Variants in ARIH1 observed in about 807,000 individuals in gnomAD.
The protein encoded by ARIH1 is E3 ubiquitin-protein ligase ARIH1.
Under a neutral mutation model 85.0 loss-of-function variants are expected in ARIH1, and 8 were observed. That is an observed-to-expected ratio of 0.09 (90% CI 0.06 to 0.17). The LOEUF (loss-of-function observed/expected upper bound fraction) is 0.17, where lower values mean the gene tolerates loss of function less well. Among genes scored for constraint, ARIH1 ranks in the 10% least tolerant of loss-of-function variants. The pLI is 1.00. For synonymous variants in ARIH1, 238 were observed against 253.6 expected (o/e 0.94, Z 0.59); for missense variants, 311 against 718.1 (o/e 0.43, Z 6.48).
chr15:72,546,717 G>C (rs544200093), intron 3 of ARIH1, among the ~76,000 whole-genome samples: 1 of 151,528 alleles, frequency 6.6e-6, no homozygotes, highest in Non-Finnish European at 1.5e-5. Context: ...TTGTAGAGAC[G>C]GGGTTTCACC....
At position 72,582,031 on chromosome 15, in the gene ARIH1, T is replaced by A; in HGVS notation, c.1477-44T>A. The A allele has an allele frequency of 8.2e-6, 11 of 1,346,750 alleles. No individual in the cohort carries two copies. The highest frequency in any genetic ancestry group is 1.2e-5 in the Non-Finnish European group (11 of 945,622). The allele number at this position is 1,346,750 out of a possible 1,614,324, so 83.4% of individuals were successfully genotyped here. A position where few individuals can be genotyped will look rare whatever the true frequency, so the allele number is the denominator to read the frequency against. Reference sequence around the variant, plus strand: ...AAAACAGTGAAAATGGTTTATCTTTTAGCTTTATTTTGAAGCCAAAATTTA... The same window carrying A: ...AAAACAGTGAAAATGGTTTATCTTTAAGCTTTATTTTGAAGCCAAAATTTA... On this transcript the variant is annotated intron_variant, in intron 12 of 13. Transcript: ENST00000379887. The surrounding 1 kb of genome is among the most constrained non-coding windows in gnomAD (Gnocchi z 4.6).
At chr15:72,556,607 C>T (rs1308259038) in intron 5 of ARIH1, among the ~76,000 whole-genome samples, 1 of 152,100 alleles carries the variant, frequency 6.6e-6, no homozygotes, top group Non-Finnish European at 1.5e-5. Flanking sequence ...TATACATGTG[C>T]AGGTTTGTTA....
intron 7 of ARIH1, among the ~76,000 whole-genome samples, chr15:72,565,420 G>A (rs902436742): frequency 6.6e-6 from 1 of 151,828 alleles, no homozygotes; most frequent in African/African-American, 2.4e-5. Context: ...GGGGTGGTTT[G>A]GAGGGGGAAA....
In ARIH1 at chr15:72,567,100, A is replaced by G; in HGVS notation, c.955-6A>G. 6.2e-7 allele frequency: 1 copy of G among 1,604,130 alleles called. No homozygotes were observed. Among genetic ancestry groups the G allele is most frequent in the Non-Finnish European group, 8.5e-7 (1 of 1,174,540 alleles). ...TTGTATCCTAACCGTTGTTATTTTC[A>G]AACAGTGGTTAAAGAAATGGATTAA... is the stretch of plus-strand genomic sequence containing the variant. On this transcript the variant is annotated splice_polypyrimidine_tract_variant and splice_region_variant and intron_variant, in intron 8 of 13. Coordinates refer to ENST00000379887, the MANE Select transcript of ARIH1 (RefSeq NM_005744.5).
intron 7 of ARIH1, among the ~76,000 whole-genome samples, chr15:72,565,995 A>G (rs372382290): frequency 3.9e-5 from 6 of 152,276 alleles, no homozygotes; most frequent in African/African-American, 1.4e-4. Flanking sequence ...TGTATATGTC[A>G]TGAACTTAGA....
chr15:72,535,578 G>A (rs1390931756), intron 2 of ARIH1, among the ~76,000 whole-genome samples: 1 of 152,126 alleles, frequency 6.6e-6, no homozygotes, highest in East Asian at 1.9e-4. Flanking sequence ...TACAGCCTGA[G>A]GACTTGCATT....
chr15:72,514,808 C>T (rs1315441327), intron 1 of ARIH1, among the ~76,000 whole-genome samples: 1 of 151,726 alleles, frequency 6.6e-6, no homozygotes, highest in Non-Finnish European at 1.5e-5. Context: ...GAGTTTGAGA[C>T]CAGTAGAGGG....
rs1038898546 is a variant in ARIH1 at position 72,593,769 on chromosome 15, G to A, written c.*10477G>A. 6 of 151,830 alleles carry A rather than the reference G, an allele frequency of 4.0e-5. No homozygotes were observed. Among genetic ancestry groups the A allele is most frequent in the African/African-American group, 1.5e-4 (6 of 41,356 alleles). 9.4% of individuals were successfully genotyped at this position (151,830 alleles called of 1,614,324 possible). On this transcript the variant is annotated 3_prime_UTR_variant, in exon 14 of 14. Coordinates refer to ENST00000379887, the MANE Select transcript of ARIH1 (RefSeq NM_005744.5). Reference sequence around the variant, plus strand: ...TTCCTTTTTGTTATTTTTCAAGATCGCTTTGGTTATTGTCGATTCTTTGGA... The same window carrying A: ...TTCCTTTTTGTTATTTTTCAAGATCACTTTGGTTATTGTCGATTCTTTGGA...
intron 5 of ARIH1, among the ~76,000 whole-genome samples, 191 bp from the exon 6 acceptor site, chr15:72,561,292 A>G (rs181860866): frequency 6.6e-6 from 1 of 152,326 alleles, no homozygotes; most frequent in Non-Finnish European, 1.5e-5. Context: ...AAATAAAACT[A>G]TACAAACTTT....
At chr15:72,560,408 T>C (rs2064192806) in intron 5 of ARIH1, among the ~76,000 whole-genome samples, 1 of 152,216 alleles carries the variant, frequency 6.6e-6, no homozygotes, top group South Asian at 2.1e-4. Flanking sequence ...TATTGAGTGC[T>C]TACTATCTGC....
chr15:72,566,687 G>C, intron 8 of ARIH1, 82 bp downstream of exon 8: 1 of 1,218,846 alleles, frequency 8.2e-7, no homozygotes, highest in Admixed American at 2.1e-5. Flanking sequence ...TGATGATTTT[G>C]TTATCTATCT....
intron 1 of ARIH1, among the ~76,000 whole-genome samples, chr15:72,498,961 ATTTTTTTTTTTTTTTTTTT>A (rs535261674): frequency 3.4e-4 from 30 of 88,432 alleles, no homozygotes; most frequent in Middle Eastern, 0.012. Flanking sequence ...CTTTTCATAA[ATTTTTTTTTTTTTTTTTTT>A]TTTTTTTTTT....
chr15:72,493,645 A>G (rs1418971888), intron 1 of ARIH1, among the ~76,000 whole-genome samples: 1 of 152,240 alleles, frequency 6.6e-6, no homozygotes, highest in Non-Finnish European at 1.5e-5. Flanking sequence ...AGCTCTGAGT[A>G]GAATGTTTTC....
In ARIH1 at chr15:72,584,946, A is replaced by AGTC. The variant is rs1327551727; in HGVS notation, c.*1655_*1656insTCG. 6.6e-6 allele frequency: 1 copy of AGTC among 151,068 alleles called. No homozygotes were observed. The highest frequency in any genetic ancestry group is 2.4e-5 in the African/African-American group (1 of 41,006). 9.4% of individuals were successfully genotyped at this position (151,068 alleles called of 1,614,324 possible). On this transcript the variant is annotated 3_prime_UTR_variant, in exon 14 of 14. Coordinates refer to ENST00000379887, the MANE Select transcript of ARIH1 (RefSeq NM_005744.5). ...AAATATGAAATACCAGTTGAGGCTG[A>AGTC]GGACCTCTTCGTCTTCCTTTAAATG...
At chr15:72,505,049 A>G (rs951354818) in intron 1 of ARIH1, among the ~76,000 whole-genome samples, 1 of 152,210 alleles carries the variant, frequency 6.6e-6, no homozygotes, top group Non-Finnish European at 1.5e-5. Flanking sequence ...TACAGTTGCA[A>G]TTTAACCAGC....
At position 72,542,943 on chromosome 15, in the gene ARIH1, A is replaced by T. The variant is rs560289344; in HGVS notation, c.444-1877A>T. Among the ~76,000 whole-genome samples the T allele has an allele frequency of 9.9e-3, 1,419 of 144,022 alleles. 4 individuals are homozygous for T. Among genetic ancestry groups the T allele is most frequent in the South Asian group, 0.016 (72 of 4,594 alleles). 94.5% of individuals were successfully genotyped at this position (144,022 alleles called of 152,430 possible). A position where few individuals can be genotyped will look rare whatever the true frequency, so the allele number is the denominator to read the frequency against. On this transcript the variant is annotated intron_variant, in intron 2 of 13. Transcript: ENST00000379887. ...TTATATTATCTTTTTTTTTTTTTTT[A>T]AATTTGAGACAGTCTCGCTCTGTCA...
intron 11 of ARIH1, among the ~76,000 whole-genome samples, chr15:72,575,316 C>T (rs1213851440): frequency 1.3e-5 from 2 of 152,098 alleles, no homozygotes; most frequent in South Asian, 2.1e-4. Flanking sequence ...CAGTGGCTCA[C>T]GCCTGCAATC....
chr15:72,475,420 C>G (rs929237293), intron 1 of ARIH1, among the ~76,000 whole-genome samples: 2 of 152,188 alleles, frequency 1.3e-5, no homozygotes, highest in African/African-American at 4.8e-5. Flanking sequence ...CCGGCCGTAG[C>G]CTCATTTGAG....
chr15:72,532,341 G>A, intron 2 of ARIH1, among the ~76,000 whole-genome samples: 1 of 151,726 alleles, frequency 6.6e-6, no homozygotes, highest in African/African-American at 2.4e-5. Flanking sequence ...GACGAAATGG[G>A]TAGATTCCTA....
Sources: allele counts gnomAD v4.1 joint callset (sites outside exome capture counted in the v4.1 genomes callset), GRCh38; gene constraint gnomAD v4.1.1; non-coding constraint Gnocchi (gnomAD v3.1); transcripts MANE v1.5; gene names NCBI Gene and HGNC (gene_info 2026-07-23, HGNC 2026-07-21).